Variants in DMD observed in about 807,000 individuals in gnomAD.
The protein encoded by DMD is dystrophin, also known as mutant dystrophin.
DMD carries 63 observed loss-of-function variants against 330.1 expected under a neutral mutation model. The ratio of observed to expected loss-of-function variants is 0.19; its 90% CI spans 0.16 to 0.24. The LOEUF (loss-of-function observed/expected upper bound fraction) is 0.24. Ranked by LOEUF, DMD falls within the 10% of genes least tolerant of loss-of-function variation. The pLI, the probability that DMD is intolerant of heterozygous loss-of-function variation, is 1.00. For missense variants in DMD, 3,344 were observed against 2,684.1 expected, an observed-to-expected ratio of 1.25 and a Z score of -5.43; for synonymous variants, 1,223 against 959.8, an observed-to-expected ratio of 1.27 and a Z score of -5.07.
chrX:32,888,459 G>A (rs768283911), intron 2 of DMD, among the ~76,000 whole-genome samples: 4 of 111,341 alleles, frequency 3.6e-5, no homozygotes, highest in Non-Finnish European at 7.5e-5. Flanking sequence ...AAAACAATAT[G>A]CTATCACCCC....
At chrX:32,253,404 G>T (rs1035435459) in intron 43 of DMD, among the ~76,000 whole-genome samples, 14 of 110,610 alleles carry the variant, frequency 1.3e-4, no homozygotes, top group African/African-American at 4.6e-4. Flanking sequence ...TCTGGAGGAT[G>T]AAAAGCTACA....
intron 52 of DMD, among the ~76,000 whole-genome samples, chrX:31,681,429 G>C (rs1039489673): frequency 8.9e-6 from 1 of 112,530 alleles, no homozygotes; most frequent in African/African-American, 3.2e-5. Flanking sequence ...GAATTGGAAT[G>C]AGAAACCACC....
intron 1 of DMD, among the ~76,000 whole-genome samples, chrX:33,305,554 ACT>A (rs2053748206): frequency 2.8e-5 from 3 of 105,929 alleles, no homozygotes; most frequent in Non-Finnish European, 5.8e-5. Context: ...GTACCCTAAA[ACT>A]TAGAGTATAA....
chrX:31,566,947 T>TA (rs771199820), intron 55 of DMD, among the ~76,000 whole-genome samples: 1 of 111,560 alleles, frequency 9.0e-6, no homozygotes, highest in South Asian at 3.7e-4. Context: ...TGCCTTATGA[T>TA]TTTTTGACTT....
intron 1 of DMD, among the ~76,000 whole-genome samples, chrX:33,164,603 A>G (rs770998979): frequency 8.9e-6 from 1 of 112,464 alleles, no homozygotes; most frequent in East Asian, 2.8e-4. Context: ...CATTATTACT[A>G]CACTACTTTC....
intron 4 of DMD, among the ~76,000 whole-genome samples, chrX:32,826,895 CT>C (rs751546102): frequency 9.4e-4 from 104 of 110,857 alleles, no homozygotes; most frequent in African/African-American, 3.4e-3. Context: ...TGTTTATTAG[CT>C]TGAAGCATTC....
intron 49 of DMD, among the ~76,000 whole-genome samples, chrX:31,825,591 A>G (rs2092876221): frequency 8.9e-6 from 1 of 111,849 alleles, no homozygotes; most frequent in Non-Finnish European, 1.9e-5. Context: ...ACTTAAAGGT[A>G]TGTATTTATC....
chrX:33,213,957 G>A (rs1161233126), upstream of DMD, among the ~76,000 whole-genome samples: 1 of 110,141 alleles, frequency 9.1e-6, no homozygotes, highest in Non-Finnish European at 1.9e-5. Flanking sequence ...CTAAAGCCTG[G>A]TACCAATCAA....
chrX:32,666,684 C>T (rs191693908), intron 9 of DMD, among the ~76,000 whole-genome samples: 2 of 109,944 alleles, frequency 1.8e-5, no homozygotes, highest in African/African-American at 3.3e-5. Context: ...CAAAAATTAG[C>T]CAGGCGTGGT....
intron 6 of DMD, among the ~76,000 whole-genome samples, chrX:32,811,526 G>C (rs1246554022): frequency 1.8e-5 from 2 of 110,763 alleles, no homozygotes; most frequent in Non-Finnish European, 3.8e-5. Context: ...TGCCTATTTT[G>C]TTCACTGCTG....
At chrX:31,354,283 T>G (rs925858956) in intron 60 of DMD, among the ~76,000 whole-genome samples, 1 of 111,826 alleles carries the variant, frequency 8.9e-6, no homozygotes, top group African/African-American at 3.2e-5. Flanking sequence ...TATTCACGGA[T>G]CTTTACTATT....
chrX:32,484,598 G>A (rs936383355), intron 21 of DMD, among the ~76,000 whole-genome samples: 2 of 112,043 alleles, frequency 1.8e-5, no homozygotes, highest in African/African-American at 6.5e-5. Flanking sequence ...CTTAATTGAA[G>A]TGTATTCATA....
At chrX:32,819,399 G>A (rs2078033997) in intron 5 of DMD, among the ~76,000 whole-genome samples, 2 of 110,898 alleles carry the variant, frequency 1.8e-5, no homozygotes, top group South Asian at 7.7e-4. Context: ...GCTCACCACT[G>A]TTAGCAAGAT....
At chrX:31,300,258 A>G (rs2054544089) in intron 62 of DMD, among the ~76,000 whole-genome samples, 1 of 112,393 alleles carries the variant, frequency 8.9e-6, no homozygotes, top group Admixed American at 9.4e-5. Flanking sequence ...AAGGTGCAAC[A>G]CGCATTTTTC....
intron 9 of DMD, among the ~76,000 whole-genome samples, chrX:32,648,483 G>C (rs1403779450): frequency 9.0e-6 from 1 of 111,643 alleles, no homozygotes; most frequent in Non-Finnish European, 1.9e-5. Flanking sequence ...AGTAGTCTGT[G>C]TCACTTATAT....
intron 43 of DMD, among the ~76,000 whole-genome samples, chrX:32,220,463 T>TAATA (rs1214304285): frequency 1.8e-5 from 2 of 111,357 alleles, no homozygotes; most frequent in African/African-American, 6.5e-5. Context: ...TTAATGTGAG[T>TAATA]AATAATACTT....
At chrX:31,651,554 T>C (rs1379812338) in intron 54 of DMD, among the ~76,000 whole-genome samples, 5 of 111,583 alleles carry the variant, frequency 4.5e-5, no homozygotes, top group Non-Finnish European at 7.6e-5. Flanking sequence ...ACACATCTCC[T>C]AGATGTATAA....
intron 73 of DMD, among the ~76,000 whole-genome samples, chrX:31,171,216 G>A (rs2148200919): frequency 8.9e-6 from 1 of 111,758 alleles, no homozygotes; most frequent in East Asian, 2.8e-4. Context: ...TTGTTTGAAG[G>A]AAGTAAGTCA....
intron 55 of DMD, among the ~76,000 whole-genome samples, chrX:31,520,558 T>C (rs1234040526): frequency 8.9e-6 from 1 of 111,906 alleles, no homozygotes; most frequent in Non-Finnish European, 1.9e-5. Flanking sequence ...ATACATCGTG[T>C]ATCTATTAAT....
Sources: gnomAD v4.1 joint callset for allele counts (sites outside exome capture counted in the v4.1 genomes callset) on GRCh38, gnomAD v4.1.1 for gene constraint, MANE v1.5 for transcripts, NCBI Gene and HGNC (gene_info 2026-07-23, HGNC 2026-07-21) for gene names.